Variants in TMEM117 observed in about 807,000 individuals in gnomAD.
TMEM117 encodes the protein transmembrane protein 117.
A neutral mutation model predicts 52.4 loss-of-function variants in TMEM117; 27 were observed. That is an observed-to-expected ratio of 0.51 (90% CI 0.38 to 0.71). The LOEUF (loss-of-function observed/expected upper bound fraction) is 0.71, where lower values mean the gene tolerates loss of function less well. Ranked by LOEUF, TMEM117 falls within the 30% of genes least tolerant of loss-of-function variation. TMEM117 has a pLI of 0.00. For synonymous variants in TMEM117, 215 were observed against 206.3 expected (o/e 1.04, Z -0.36); for missense variants, 556 against 630.5 (o/e 0.88, Z 1.26).
chr12:43,971,518 C>T (rs1945586359), intron 3 of TMEM117, among the ~76,000 whole-genome samples: 1 of 152,136 alleles, frequency 6.6e-6, no homozygotes, highest in Admixed American at 6.5e-5. Flanking sequence ...GATATAAACC[C>T]CTTCAGCCCC....
intron 3 of TMEM117, among the ~76,000 whole-genome samples, chr12:43,975,935 A>G (rs1945664090): frequency 6.6e-6 from 1 of 152,196 alleles, no homozygotes; most frequent in Non-Finnish European, 1.5e-5. Context: ...GCAGCATCCC[A>G]CTGGGCTCTG....
intron 3 of TMEM117, among the ~76,000 whole-genome samples, chr12:44,006,047 CGGACTAATACATAGG>C (rs1946190073): frequency 6.6e-6 from 1 of 152,120 alleles, no homozygotes; most frequent in Admixed American, 6.6e-5. Flanking sequence ...AGCATGAAAA[CGGACTAATACATAGG>C]GTTGTAGCGG....
the TMEM117 span, chr12:43,805,874 C>G: frequency 6.9e-6 from 10 of 1,440,340 alleles, no homozygotes; most frequent in South Asian, 1.1e-4. Flanking sequence ...CCTCCACTGT[C>G]CCAGCTCTTC....
At chr12:44,038,967 C>G (rs759446657) in intron 3 of TMEM117, among the ~76,000 whole-genome samples, 3 of 152,194 alleles carry the variant, frequency 2.0e-5, no homozygotes, top group Non-Finnish European at 2.9e-5. Context: ...CAGGTACTCA[C>G]AATTCACCAC....
intron 6 of TMEM117, among the ~76,000 whole-genome samples, chr12:44,328,860 T>C (rs901265888): frequency 1.3e-4 from 20 of 152,056 alleles, no homozygotes; most frequent in African/African-American, 4.8e-4. Context: ...CATCAATGAT[T>C]CCTGGAATCA....
chr12:44,098,242 C>T (rs1050305673), intron 3 of TMEM117, among the ~76,000 whole-genome samples: 1 of 152,048 alleles, frequency 6.6e-6, no homozygotes, highest in African/African-American at 2.4e-5. Flanking sequence ...ATGTCCCTGA[C>T]CCCTCAGAGG....
At chr12:44,266,540 AT>A in intron 5 of TMEM117, among the ~76,000 whole-genome samples, 1 of 152,130 alleles carries the variant, frequency 6.6e-6, no homozygotes, top group South Asian at 2.1e-4. Context: ...CTGATAAGTG[AT>A]TTGCATGTAT....
chr12:44,015,646 G>T (rs547626666), intron 3 of TMEM117, among the ~76,000 whole-genome samples: 1 of 152,210 alleles, frequency 6.6e-6, no homozygotes, highest in Admixed American at 6.5e-5. Flanking sequence ...CCAAAAATGT[G>T]CTTATAAATT....
chr12:44,147,174 C>T (rs936575200), intron 4 of TMEM117, among the ~76,000 whole-genome samples: 2 of 152,186 alleles, frequency 1.3e-5, no homozygotes, highest in Non-Finnish European at 2.9e-5. Flanking sequence ...ATGTAATCCA[C>T]ATTGAGCTGG....
chr12:44,129,716 A>C (rs1427259893), intron 3 of TMEM117, among the ~76,000 whole-genome samples: 2 of 152,192 alleles, frequency 1.3e-5, no homozygotes, highest in Non-Finnish European at 2.9e-5. Context: ...CAGCTATACC[A>C]TCACTTTCCC....
chr12:44,196,217 A>G (rs531343996), intron 4 of TMEM117, among the ~76,000 whole-genome samples: 10 of 152,276 alleles, frequency 6.6e-5, no homozygotes, highest in South Asian at 2.1e-4. Flanking sequence ...AATTTAGAAA[A>G]ACAAAAGAAC....
At chr12:44,394,891 A>C in the TMEM117 span, among the ~76,000 whole-genome samples, 1 of 152,194 alleles carries the variant, frequency 6.6e-6, no homozygotes, top group Non-Finnish European at 1.5e-5. Context: ...AGCCTGTGGA[A>C]TCAGGGCAAC....
At chr12:43,952,016 C>G (rs1291333217) in intron 3 of TMEM117, among the ~76,000 whole-genome samples, 1 of 152,138 alleles carries the variant, frequency 6.6e-6, no homozygotes, top group African/African-American at 2.4e-5. Flanking sequence ...AGTGGACCCC[C>G]AGCAAACTGC....
At chr12:44,065,444 G>T (rs960625454) in intron 3 of TMEM117, among the ~76,000 whole-genome samples, 1 of 152,088 alleles carries the variant, frequency 6.6e-6, no homozygotes, top group Non-Finnish European at 1.5e-5. Flanking sequence ...TGAAATGGAG[G>T]CTTTGGTCAT....
At chr12:44,375,391 G>A (rs1951927849) in intron 6 of TMEM117, among the ~76,000 whole-genome samples, 2 of 152,058 alleles carry the variant, frequency 1.3e-5, no homozygotes, top group African/African-American at 2.4e-5. Flanking sequence ...TTTCTTTTTA[G>A]CAGCTTGAAA....
chr12:44,035,084 T>C (rs1344419112), intron 3 of TMEM117, among the ~76,000 whole-genome samples: 6 of 152,236 alleles, frequency 3.9e-5, no homozygotes, highest in Non-Finnish European at 8.8e-5. Flanking sequence ...ATTACAGTGC[T>C]GGCTTTCTGA....
chr12:43,890,666 G>T (rs61930711), intron 2 of TMEM117, among the ~76,000 whole-genome samples: 4 of 152,018 alleles, frequency 2.6e-5, no homozygotes, highest in Admixed American at 6.6e-5. Context: ...CGAGTAACTG[G>T]GATTACAGGC....
chr12:44,032,525 A>C (rs1946649411), intron 3 of TMEM117, among the ~76,000 whole-genome samples: 1 of 152,228 alleles, frequency 6.6e-6, no homozygotes, highest in Admixed American at 6.5e-5. Context: ...ACCCCATATC[A>C]GCTTGGTTCC....
chr12:44,386,029 A>G (rs1952083387), intron 7 of TMEM117, among the ~76,000 whole-genome samples: 1 of 152,148 alleles, frequency 6.6e-6, no homozygotes, highest in South Asian at 2.1e-4. Context: ...TTCTTCAAGG[A>G]CCACATGAAT....
Sources: allele counts gnomAD v4.1 joint callset (sites outside exome capture counted in the v4.1 genomes callset), GRCh38; gene constraint gnomAD v4.1.1; transcripts MANE v1.5; gene names NCBI Gene and HGNC (gene_info 2026-07-23, HGNC 2026-07-21).